Variants in KLHL6 observed in about 807,000 individuals in gnomAD.
KLHL6 encodes the protein kelch-like protein 6.
In KLHL6, 41 loss-of-function variants were observed where a neutral mutation model predicts 58.6. The ratio of observed to expected loss-of-function variants is 0.70; its 90% confidence interval spans 0.55 to 0.91. The LOEUF (loss-of-function observed/expected upper bound fraction) is 0.91, where lower values mean the gene tolerates loss of function less well. Among genes scored for constraint, KLHL6 ranks in the 40% least tolerant of loss-of-function variants. The probability of loss-of-function intolerance (pLI) is 0.00; values close to 1 mark genes in which losing one functional copy is unlikely to be tolerated. For synonymous variants in KLHL6, 338 were observed against 322.7 expected (o/e 1.05, Z -0.51); for missense variants, 714 against 805.6 (o/e 0.89, Z 1.38).
chr3:183,492,785 C>G lies in KLHL6; in HGVS notation c.1351-78G>C. 1 of 1,365,254 alleles carries G rather than the reference C, an allele frequency of 7.3e-7. No individual in the cohort carries two copies. The highest frequency in any genetic ancestry group is 1.0e-6 in the Non-Finnish European group (1 of 972,278). The allele number at this position is 1,365,254 out of a possible 1,614,324, so 84.6% of individuals were successfully genotyped here. ...CTGCAGTAGCTCCCAGGATACAGGA[C>G]AGAGCTCCGGGACACAGAACTGGGC... is the stretch of plus-strand genomic sequence containing the variant. On this transcript the variant is annotated intron_variant, in intron 5 of 6. Transcript: ENST00000341319. The surrounding 1 kb of genome is among the most constrained non-coding windows in gnomAD (Gnocchi z 5.9).
At position 183,493,000 on chromosome 3, in the gene KLHL6, A is replaced by G. The variant is rs1717617510; in HGVS notation, c.1351-293T>C. The G allele has an allele frequency of 1.0e-5, 4 of 388,348 alleles. No individual in the cohort carries two copies. Among genetic ancestry groups the G allele is most frequent in the South Asian group, 9.6e-5 (3 of 31,292 alleles). The allele number at this position is 388,348 out of a possible 1,614,324, so 24.1% of individuals were successfully genotyped here. On this transcript the variant is annotated intron_variant, in intron 5 of 6. Coordinates refer to ENST00000341319, the MANE Select transcript of KLHL6 (RefSeq NM_130446.4). The surrounding 1 kb of genome is among the most constrained non-coding windows in gnomAD (Gnocchi z 5.9). Reference sequence around the variant, plus strand: ...TAAGTTTATACAGATGAAGTCAGCCAGTGTGGGAGGAAAATGATGTTTTAT... The same window carrying G: ...TAAGTTTATACAGATGAAGTCAGCCGGTGTGGGAGGAAAATGATGTTTTAT...
chr3:183,496,331 CTAA>C (rs1375589339), intron 4 of KLHL6, among the ~76,000 whole-genome samples: 1 of 144,468 alleles, frequency 6.9e-6, no homozygotes, highest in Non-Finnish European at 1.5e-5. Context: ...ATTTAAATGA[CTAA>C]TAATAAAAAT....
In KLHL6 at chr3:183,487,921, C is replaced by G. The variant is rs1288287170; in HGVS notation, c.*4006G>C. The G allele has an allele frequency of 6.6e-6, 1 of 152,244 alleles. No homozygotes were observed. The highest frequency in any genetic ancestry group is 2.4e-5 in the African/African-American group (1 of 41,468). The allele number at this position is 152,244 out of a possible 1,614,324, so 9.4% of individuals were successfully genotyped here. ...CGTTAAAAATTCTATTGAGCACTTT[C>G]ATTTTTCAGAATAAAACAGGATAAG... On this transcript the variant is annotated 3_prime_UTR_variant, in exon 7 of 7. Coordinates refer to ENST00000341319, the MANE Select transcript of KLHL6 (RefSeq NM_130446.4).
chr3:183,540,745 C>T (rs1712525841), intron 1 of KLHL6, among the ~76,000 whole-genome samples: 1 of 152,180 alleles, frequency 6.6e-6, no homozygotes, highest in Non-Finnish European at 1.5e-5. Context: ...GAGAGTTTAA[C>T]TTACAAAACA....
At chr3:183,536,974 CT>C (rs1455321882) in intron 1 of KLHL6, among the ~76,000 whole-genome samples, 1 of 152,156 alleles carries the variant, frequency 6.6e-6, no homozygotes, top group Non-Finnish European at 1.5e-5. Flanking sequence ...CTCCAGGGGT[CT>C]TTTTAACCAG....
chr3:183,496,335 T>TC (rs397721176), intron 4 of KLHL6, among the ~76,000 whole-genome samples: 4 of 98,486 alleles, frequency 4.1e-5, no homozygotes, highest in Non-Finnish European at 9.4e-5. Context: ...AAATGACTAA[T>TC]AATAAAAATC....
In KLHL6 at chr3:183,500,993, T is replaced by G. The variant is rs553240380; in HGVS notation, c.910-1166A>C. Among the ~76,000 whole-genome samples, 38 of 152,266 alleles carry G rather than the reference T, an allele frequency of 2.5e-4. No individual in the cohort carries two copies. The East Asian group carries it at 3.7e-3, about 15-fold the overall frequency. ...CTCTACTTTTCCATAACAGTCTTTG[T>G]TTGTTCGGTTGGTTTTCTGTGCCTA... On this transcript the variant is annotated intron_variant, in intron 3 of 6. Transcript: ENST00000341319.
At chr3:183,546,733 A>G (rs1485842289) in intron 1 of KLHL6, among the ~76,000 whole-genome samples, 5 of 152,224 alleles carry the variant, frequency 3.3e-5, no homozygotes, top group Non-Finnish European at 7.3e-5. Context: ...AAATAAATTA[A>G]TAAATGAATC....
At chr3:183,506,599 G>A (rs80151556) in intron 3 of KLHL6, among the ~76,000 whole-genome samples, 3,850 of 152,194 alleles carry the variant, frequency 0.025, 172 homozygotes, top group East Asian at 0.18. Context: ...AGGCTGAGAT[G>A]AGAAGATCAC....
intron 2 of KLHL6, among the ~76,000 whole-genome samples, chr3:183,519,816 A>G (rs1039197165): frequency 6.9e-6 from 1 of 145,482 alleles, no homozygotes; most frequent in Non-Finnish European, 1.5e-5. Context: ...AAATCTCTTG[A>G]GCCTGGGAGT....
At chr3:183,541,830 A>C (rs1371728584) in intron 1 of KLHL6, among the ~76,000 whole-genome samples, 1 of 152,154 alleles carries the variant, frequency 6.6e-6, no homozygotes, top group Non-Finnish European at 1.5e-5. Context: ...CAAGTCCAGA[A>C]CTTGAGATGT....
At chr3:183,519,907 A>C (rs902213891) in intron 2 of KLHL6, among the ~76,000 whole-genome samples, 1 of 150,908 alleles carries the variant, frequency 6.6e-6, no homozygotes, top group African/African-American at 2.4e-5. Context: ...AAAAAAAAAA[A>C]AAAAAAAAAA....
At chr3:183,533,430 AC>A (rs962077894) in intron 1 of KLHL6, among the ~76,000 whole-genome samples, 2 of 141,428 alleles carry the variant, frequency 1.4e-5, no homozygotes, top group Admixed American at 7.1e-5. Flanking sequence ...CCCACACCCA[AC>A]TTTTTTTTTT....
chr3:183,526,194 C>G (rs1293024493), intron 2 of KLHL6, among the ~76,000 whole-genome samples: 1 of 152,136 alleles, frequency 6.6e-6, no homozygotes, highest in East Asian at 1.9e-4. Flanking sequence ...GCCTGTAATC[C>G]CAGCTACTCG....
intron 3 of KLHL6, among the ~76,000 whole-genome samples, chr3:183,507,655 G>A (rs908781854): frequency 6.6e-6 from 1 of 151,984 alleles, no homozygotes; most frequent in Non-Finnish European, 1.5e-5. Flanking sequence ...GGATGGTCTG[G>A]ATCTCTTGAC....
intron 1 of KLHL6, among the ~76,000 whole-genome samples, chr3:183,551,120 CAG>C (rs776600058): frequency 3.1e-5 from 2 of 64,838 alleles, no homozygotes; most frequent in Non-Finnish European, 5.5e-5. Context: ...GACTCTGTCT[CAG>C]AAAAAAAAAA....
chr3:183,555,323 C>T (rs751459826), intron 1 of KLHL6, 38 bp downstream of exon 1: 2 of 1,593,400 alleles, frequency 1.3e-6, no homozygotes, highest in Non-Finnish European at 1.7e-6. Flanking sequence ...TTCCTTGCAA[C>T]TTGCACCCAA....
chr3:183,514,285 C>T (rs946943581), intron 2 of KLHL6, among the ~76,000 whole-genome samples: 2 of 152,088 alleles, frequency 1.3e-5, no homozygotes, highest in Non-Finnish European at 2.9e-5. Context: ...GACAGTCCTA[C>T]CCCCACCCCT....
At chr3:183,502,106 A>C (rs1717881370) in intron 3 of KLHL6, among the ~76,000 whole-genome samples, 1 of 152,296 alleles carries the variant, frequency 6.6e-6, no homozygotes, top group South Asian at 2.1e-4. Context: ...CCTGGCCAAC[A>C]AGGTGAAACC....
Sources: allele counts gnomAD v4.1 joint callset (sites outside exome capture counted in the v4.1 genomes callset), GRCh38; gene constraint gnomAD v4.1.1; non-coding constraint Gnocchi (gnomAD v3.1); transcripts MANE v1.5; gene names NCBI Gene and HGNC (gene_info 2026-07-23, HGNC 2026-07-21).